Variants in FHOD3 observed in about 807,000 individuals in gnomAD.
FHOD3 encodes FH1/FH2 domain-containing protein 3.
Under a neutral mutation model 173.0 loss-of-function variants are expected in FHOD3, and 90 were observed. The observed-to-expected ratio is 0.52, with a 90% CI of 0.44 to 0.62. FHOD3 has a LOEUF of 0.62. FHOD3 is among the 20% of genes least tolerant of loss of function. The probability of loss-of-function intolerance (pLI) is 0.00; values close to 1 mark genes in which losing one functional copy is unlikely to be tolerated. For synonymous variants in FHOD3, 828 were observed against 823.0 expected (o/e 1.01, Z -0.10); for missense variants, 1,945 against 2,034.7 (o/e 0.96, Z 0.85).
chr18:36,612,635 G>T (rs2032803925), intron 9 of FHOD3, among the ~76,000 whole-genome samples: 1 of 152,104 alleles, frequency 6.6e-6, no homozygotes, highest in African/African-American at 2.4e-5. Flanking sequence ...GTATGTAATT[G>T]TCGTAAGGAA....
At chr18:36,563,471 A>G (rs2058158137) in intron 5 of FHOD3, among the ~76,000 whole-genome samples, 1 of 152,240 alleles carries the variant, frequency 6.6e-6, no homozygotes, top group African/African-American at 2.4e-5. Flanking sequence ...ATTGAAGTCC[A>G]GAGAGGTTAA....
intron 13 of FHOD3, among the ~76,000 whole-genome samples, chr18:36,657,536 C>A (rs1417398889): frequency 6.6e-6 from 1 of 152,196 alleles, no homozygotes; most frequent in African/African-American, 2.4e-5. Context: ...CTCTAAGGAG[C>A]AGGCCAGTCC....
At chr18:36,770,886 T>C (rs962620978) in intron 28 of FHOD3, among the ~76,000 whole-genome samples, 2 of 152,170 alleles carry the variant, frequency 1.3e-5, no homozygotes, top group Non-Finnish European at 1.5e-5. Context: ...GGCTCTCTCT[T>C]TATTGTATGC....
chr18:36,439,521 A>ATGTGTGTGTGTG (rs33931333), intron 3 of FHOD3, among the ~76,000 whole-genome samples: 9 of 144,732 alleles, frequency 6.2e-5, no homozygotes, highest in Admixed American at 1.4e-4. Flanking sequence ...AACCAATAGA[A>ATGTGTGTGTGTG]TGTGTGTGTG....
At chr18:36,702,685 CT>C (rs1325547474) in intron 17 of FHOD3, among the ~76,000 whole-genome samples, 2 of 152,212 alleles carry the variant, frequency 1.3e-5, no homozygotes, top group African/African-American at 4.8e-5. Context: ...AAGTTCAGAA[CT>C]TTCTACCACC....
chr18:36,519,749 C>A (rs753103404), intron 5 of FHOD3, among the ~76,000 whole-genome samples: 5 of 152,148 alleles, frequency 3.3e-5, no homozygotes, highest in Admixed American at 6.5e-5. Flanking sequence ...ATGGGTGGGG[C>A]AAGCAGCATC....
chr18:36,304,033 A>G (rs1327194811), intron 1 of FHOD3, among the ~76,000 whole-genome samples: 8 of 152,206 alleles, frequency 5.3e-5, no homozygotes, highest in African/African-American at 1.9e-4. Flanking sequence ...AAGAAAGAAA[A>G]AGGTGGAAGG....
At chr18:36,334,138 C>A (rs923650044) in intron 1 of FHOD3, among the ~76,000 whole-genome samples, 2 of 152,166 alleles carry the variant, frequency 1.3e-5, no homozygotes, top group African/African-American at 2.4e-5. Context: ...CTGGCCCTGC[C>A]CCAACTCTGT....
At chr18:36,690,266 A>G (rs2038877173) in intron 16 of FHOD3, among the ~76,000 whole-genome samples, 1 of 152,258 alleles carries the variant, frequency 6.6e-6, no homozygotes, top group Non-Finnish European at 1.5e-5. Flanking sequence ...ATGAACAAAC[A>G]AATGATATAG....
intron 15 of FHOD3, among the ~76,000 whole-genome samples, chr18:36,684,708 T>C (rs894138656): frequency 6.6e-6 from 1 of 152,126 alleles, no homozygotes; most frequent in African/African-American, 2.4e-5. Context: ...TGAACAAAGC[T>C]GTAGGGACCT....
intron 9 of FHOD3, among the ~76,000 whole-genome samples, chr18:36,623,358 A>G (rs994816341): frequency 6.6e-6 from 1 of 152,264 alleles, no homozygotes; most frequent in Admixed American, 6.5e-5. Context: ...GAATCAACAC[A>G]TCAGGTCAGA....
At chr18:36,756,291 ATATTTGG>A (rs1237930033) in intron 25 of FHOD3, among the ~76,000 whole-genome samples, 1 of 152,110 alleles carries the variant, frequency 6.6e-6, no homozygotes, top group East Asian at 1.9e-4. Flanking sequence ...TTGACAGGTC[ATATTTGG>A]AACTTGTTGA....
intron 17 of FHOD3, 64 bp downstream of exon 17, chr18:36,693,487 G>A: frequency 2.1e-6 from 3 of 1,417,334 alleles, no homozygotes; most frequent in East Asian, 2.4e-5. Flanking sequence ...CCTCAGGGCA[G>A]TAGTGATGAT....
At chr18:36,722,913 A>T (rs1458814088) in intron 19 of FHOD3, among the ~76,000 whole-genome samples, 1 of 151,944 alleles carries the variant, frequency 6.6e-6, no homozygotes, top group Non-Finnish European at 1.5e-5. Context: ...TGCTGTATTC[A>T]AGTTCAGGAC....
At chr18:36,449,296 C>A (rs1259216101) in intron 3 of FHOD3, among the ~76,000 whole-genome samples, 1 of 136,692 alleles carries the variant, frequency 7.3e-6, no homozygotes, top group Non-Finnish European at 1.5e-5. Context: ...ATTTGTTATT[C>A]TTATGAAGTA....
At chr18:36,540,665 G>A (rs1217550324) in intron 5 of FHOD3, among the ~76,000 whole-genome samples, 1 of 152,132 alleles carries the variant, frequency 6.6e-6, no homozygotes, top group East Asian at 1.9e-4. Flanking sequence ...GGGGGAGAAG[G>A]GAGAGTTGTA....
chr18:36,456,466 A>G (rs999002854), intron 3 of FHOD3, among the ~76,000 whole-genome samples: 1 of 152,126 alleles, frequency 6.6e-6, no homozygotes, highest in African/African-American at 2.4e-5. Context: ...TTAGAAGATT[A>G]GTGGAAAAGA....
At position 36,478,450 on chromosome 18, in the gene FHOD3, T is replaced by C. The variant is rs141892942; in HGVS notation, c.338-23482T>C. Among the ~76,000 whole-genome samples, 489 of 152,330 alleles carry C rather than the reference T, an allele frequency of 3.2e-3. 2 individuals are homozygous for C. The highest frequency in any genetic ancestry group is 6.8e-3 in the Middle Eastern group (2 of 294). ...ATACTCTTCTAGTTATTTTTAAATA[T>C]ACAATTATTATTGACTATAGTCCCC... is the stretch of plus-strand genomic sequence containing the variant. On this transcript the variant is annotated intron_variant, in intron 3 of 28. Coordinates refer to ENST00000590592, the MANE Select transcript of FHOD3 (RefSeq NM_001281740.3).
intron 5 of FHOD3, among the ~76,000 whole-genome samples, chr18:36,568,991 T>C (rs1161172289): frequency 6.6e-6 from 1 of 152,110 alleles, no homozygotes; most frequent in Non-Finnish European, 1.5e-5. Context: ...ATGGAAAGTC[T>C]CATTAAGAAA....
Sources: gnomAD v4.1 joint callset for allele counts (sites outside exome capture counted in the v4.1 genomes callset) on GRCh38, gnomAD v4.1.1 for gene constraint, MANE v1.5 for transcripts, NCBI Gene and HGNC (gene_info 2026-07-23, HGNC 2026-07-21) for gene names.